PCDHA5: variants seen among roughly 807,000 people sequenced by gnomAD.
PCDHA5 encodes protocadherin alpha-5.
In PCDHA5, 43 loss-of-function variants were observed where a neutral mutation model predicts 61.6. The observed-to-expected ratio is 0.70, with a 90% CI of 0.55 to 0.90. PCDHA5 has a LOEUF of 0.90. Ranked by LOEUF, PCDHA5 falls within the 40% of genes least tolerant of loss-of-function variation. PCDHA5 has a pLI of 0.00. For missense variants in PCDHA5, 1,298 were observed against 1,222.7 expected, an observed-to-expected ratio of 1.06 and a Z score of -0.92; for synonymous variants, 627 against 543.9, an observed-to-expected ratio of 1.15 and a Z score of -2.13.
At chr5:140,844,640 A>G (rs1166364249) in intron 1 of PCDHA5, among the ~76,000 whole-genome samples, 4 of 149,532 alleles carry the variant, frequency 2.7e-5, no homozygotes, top group Non-Finnish European at 4.5e-5. Flanking sequence ...ATACATGATA[A>G]TTTCATTCTT....
intron 1 of PCDHA5, among the ~76,000 whole-genome samples, chr5:140,977,004 A>C (rs1554238156): frequency 6.6e-6 from 1 of 152,222 alleles, no homozygotes; most frequent in East Asian, 1.9e-4. Flanking sequence ...GAAATCTTGT[A>C]ACTGTGATTC....
chr5:140,830,085 T>C, intron 1 of PCDHA5: 2 of 1,613,570 alleles, frequency 1.2e-6, no homozygotes, highest in Non-Finnish European at 1.7e-6. Flanking sequence ...ACGGCCACGG[T>C]TCTGGTGTCG....
At chr5:140,971,369 T>C (rs1384716266) in intron 1 of PCDHA5, among the ~76,000 whole-genome samples, 1 of 152,094 alleles carries the variant, frequency 6.6e-6, no homozygotes, top group Non-Finnish European at 1.5e-5. Context: ...GCCAGGAGAG[T>C]GCATGACTTT....
intron 1 of PCDHA5, chr5:140,867,901 G>A (rs1554161610): frequency 1.3e-5 from 2 of 152,058 alleles, no homozygotes; most frequent in African/African-American, 4.8e-5. Flanking sequence ...GGTACTTACA[G>A]AAGGTATAAT....
chr5:140,928,943 T>C, intron 1 of PCDHA5: 1 of 1,614,090 alleles, frequency 6.2e-7, no homozygotes, highest in Non-Finnish European at 8.5e-7. Flanking sequence ...AACTTGTATT[T>C]AGTAATTGCC....
chr5:140,926,323 G>C (rs977416438), intron 1 of PCDHA5: 1 of 152,270 alleles, frequency 6.6e-6, no homozygotes, highest in South Asian at 2.1e-4. Flanking sequence ...GGTGCGCCGG[G>C]GTCAGAGCGC....
chr5:140,831,992 C>T (rs2150198837), intron 1 of PCDHA5, among the ~76,000 whole-genome samples: 4 of 152,222 alleles, frequency 2.6e-5, no homozygotes, highest in African/African-American at 7.2e-5. Flanking sequence ...ATTACGGATT[C>T]CATATTGTTT....
At chr5:140,954,781 T>A (rs1312700733) in intron 1 of PCDHA5, among the ~76,000 whole-genome samples, 1 of 152,208 alleles carries the variant, frequency 6.6e-6, no homozygotes, top group Non-Finnish European at 1.5e-5. Flanking sequence ...TTTAATTAGA[T>A]CTCATTTGTC....
chr5:140,842,996 A>C, intron 1 of PCDHA5: 1 of 1,594,948 alleles, frequency 6.3e-7, no homozygotes, highest in Non-Finnish European at 8.6e-7. Flanking sequence ...GCTGGACGAG[A>C]ATGACAACGC....
intron 1 of PCDHA5, chr5:140,871,327 C>T (rs782093100): frequency 6.2e-6 from 10 of 1,613,984 alleles, no homozygotes; most frequent in East Asian, 4.5e-5. Context: ...GGTGTGCTCC[C>T]GCGCGGTGGG....
intron 1 of PCDHA5, among the ~76,000 whole-genome samples, chr5:140,899,416 G>T (rs1442946841): frequency 6.6e-6 from 1 of 152,148 alleles, no homozygotes; most frequent in Admixed American, 6.5e-5. Flanking sequence ...GTTGAATTTT[G>T]TCAAAGGTCT....
intron 1 of PCDHA5, chr5:140,871,292 C>G: frequency 1.2e-6 from 2 of 1,613,890 alleles, no homozygotes; most frequent in Non-Finnish European, 8.5e-7. Context: ...ACTGAGGGCG[C>G]GTGCGCGCCG....
At chr5:140,990,097 T>C (rs2097373826) in intron 3 of PCDHA5, among the ~76,000 whole-genome samples, 1 of 151,922 alleles carries the variant, frequency 6.6e-6, no homozygotes, top group African/African-American at 2.4e-5. Flanking sequence ...GTGCTACTAT[T>C]GAAACAGGAA....
At chr5:140,997,291 G>C (rs2097766119) in intron 3 of PCDHA5, among the ~76,000 whole-genome samples, 1 of 152,030 alleles carries the variant, frequency 6.6e-6, no homozygotes, top group African/African-American at 2.4e-5. Flanking sequence ...TTAACAATGG[G>C]GATACACTGA....
intron 1 of PCDHA5, among the ~76,000 whole-genome samples, chr5:140,837,973 C>T (rs1397012056): frequency 6.6e-6 from 1 of 151,666 alleles, no homozygotes; most frequent in Non-Finnish European, 1.5e-5. Context: ...ACAACCACAC[C>T]CAGCCTGCCT....
chr5:140,823,237 C>T lies in PCDHA5; in HGVS notation c.1462C>T (p.Leu488=). 1 of 1,613,560 alleles carries T rather than the reference C, an allele frequency of 6.2e-7. No individual in the cohort carries two copies. The highest frequency in any genetic ancestry group is 8.5e-7 in the Non-Finnish European group (1 of 1,179,794). The change falls in exon 1 of 4, where the codon CTG becomes TTG. Residue 488 remains leucine, a synonymous_variant. Coordinates refer to ENST00000529859, the MANE Select transcript of PCDHA5 (RefSeq NM_018908.3). ...ARDADAQENA[L]VSYSLVERRV... ...GGACGCGGACGCGCAGGAGAACGCC[C>T]TGGTGTCCTACTCGCTGGTGGAGCG...
At chr5:140,877,654 A>T in intron 1 of PCDHA5, 1 of 1,613,490 alleles carries the variant, frequency 6.2e-7, no homozygotes, top group South Asian at 1.1e-5. Flanking sequence ...AGCGCCGCCC[A>T]CCGTGAGCCG....
At chr5:140,828,562 G>A in intron 1 of PCDHA5, 5 of 1,614,232 alleles carry the variant, frequency 3.1e-6, no homozygotes, top group Non-Finnish European at 4.2e-6. Context: ...TGGAGGGCGC[G>A]TCCGATGCAG....
At chr5:140,932,338 CACTT>C (rs1448800324) in intron 1 of PCDHA5, among the ~76,000 whole-genome samples, 19 of 151,866 alleles carry the variant, frequency 1.3e-4, no homozygotes, top group Non-Finnish European at 2.2e-4. Flanking sequence ...ATGCATGAAA[CACTT>C]ACCATACAAC....
Sources: allele counts gnomAD v4.1 joint callset (sites outside exome capture counted in the v4.1 genomes callset), GRCh38; gene constraint gnomAD v4.1.1; transcripts MANE v1.5; gene names NCBI Gene and HGNC (gene_info 2026-07-23, HGNC 2026-07-21).